The following EPHB1 variants were observed in gnomAD, a reference collection of about 807,000 sequenced individuals.
EPHB1 encodes the protein EPH receptor B1, also known as ephrin type-B receptor 1.
Under a neutral mutation model 94.4 loss-of-function variants are expected in EPHB1, and 30 were observed. That is an observed-to-expected ratio of 0.32 (90% CI 0.24 to 0.43). The LOEUF (loss-of-function observed/expected upper bound fraction) is 0.43, where lower values mean the gene tolerates loss of function less well. Among genes scored for constraint, EPHB1 ranks in the 20% least tolerant of loss-of-function variants. The probability of loss-of-function intolerance (pLI) is 1.00; values close to 1 mark genes in which losing one functional copy is unlikely to be tolerated. For missense variants in EPHB1, 1,055 were observed against 1,308.3 expected, an observed-to-expected ratio of 0.81 and a Z score of 2.99; for synonymous variants, 522 against 489.1, an observed-to-expected ratio of 1.07 and a Z score of -0.89.
chr3:135,213,061 G>T (rs1943068089), intron 12 of EPHB1, among the ~76,000 whole-genome samples: 3 of 152,162 alleles, frequency 2.0e-5, no homozygotes, highest in Admixed American at 2.0e-4. Flanking sequence ...TGTAAGTGAA[G>T]ACCTCGTTAA....
At chr3:135,100,697 G>T (rs1177831749) in intron 3 of EPHB1, among the ~76,000 whole-genome samples, 2 of 152,164 alleles carry the variant, frequency 1.3e-5, no homozygotes, top group Admixed American at 6.5e-5. Flanking sequence ...GAGGAGAGGA[G>T]TGTCTCGAGA....
intron 2 of EPHB1, among the ~76,000 whole-genome samples, chr3:134,947,008 G>A (rs535326200): frequency 6.6e-6 from 1 of 152,218 alleles, no homozygotes; most frequent in African/African-American, 2.4e-5. Flanking sequence ...CCCCGTGCTT[G>A]GCTCCCTGTA....
intron 12 of EPHB1, among the ~76,000 whole-genome samples, chr3:135,215,614 A>T (rs1576474722): frequency 6.6e-6 from 1 of 152,248 alleles, no homozygotes; most frequent in Non-Finnish European, 1.5e-5. Flanking sequence ...TCGTGGCAGG[A>T]TCACCATGGG....
At chr3:134,800,969 A>G (rs2035923602) in intron 1 of EPHB1, among the ~76,000 whole-genome samples, 1 of 152,328 alleles carries the variant, frequency 6.6e-6, no homozygotes, top group East Asian at 1.9e-4. Context: ...TCTGTAGTCT[A>G]TATTTTTAGC....
chr3:134,883,481 G>A (rs1578168231), intron 1 of EPHB1, among the ~76,000 whole-genome samples: 1 of 152,296 alleles, frequency 6.6e-6, no homozygotes, highest in Non-Finnish European at 1.5e-5. Flanking sequence ...GGGAAGATTC[G>A]AGAACTGGAT....
At chr3:135,037,639 G>A (rs1449714270) in intron 3 of EPHB1, among the ~76,000 whole-genome samples, 1 of 152,156 alleles carries the variant, frequency 6.6e-6, no homozygotes, top group African/African-American at 2.4e-5. Context: ...GATGCTTTCT[G>A]TATAATGATA....
intron 12 of EPHB1, among the ~76,000 whole-genome samples, chr3:135,228,093 T>C (rs1201384281): frequency 6.6e-6 from 1 of 152,228 alleles, no homozygotes; most frequent in African/African-American, 2.4e-5. Context: ...TATTCTAATT[T>C]TGTCAATTGA....
intron 3 of EPHB1, among the ~76,000 whole-genome samples, chr3:135,051,841 A>G (rs1047528527): frequency 1.3e-5 from 2 of 152,188 alleles, no homozygotes; most frequent in South Asian, 2.1e-4. Flanking sequence ...TCACTCCTCA[A>G]ATCACCTTAG....
At chr3:134,898,794 G>A (rs1178782891) in intron 1 of EPHB1, among the ~76,000 whole-genome samples, 1 of 152,188 alleles carries the variant, frequency 6.6e-6, no homozygotes, top group East Asian at 1.9e-4. Context: ...GCCTTCAGGG[G>A]AGCTCAGCTT....
chr3:135,116,068 G>T (rs1397861511), intron 4 of EPHB1, among the ~76,000 whole-genome samples: 1 of 152,028 alleles, frequency 6.6e-6, no homozygotes, highest in African/African-American at 2.4e-5. Context: ...AGAAAAATTA[G>T]CCAGGCATGG....
chr3:134,902,449 T>C (rs747275472), intron 1 of EPHB1, among the ~76,000 whole-genome samples: 10 of 152,240 alleles, frequency 6.6e-5, no homozygotes, highest in Non-Finnish European at 1.0e-4. Context: ...TTTATGTATA[T>C]AGTGAATGTG....
At chr3:134,932,622 G>A (rs532005887) in intron 2 of EPHB1, among the ~76,000 whole-genome samples, 1 of 152,220 alleles carries the variant, frequency 6.6e-6, no homozygotes, top group East Asian at 1.9e-4. Flanking sequence ...GCTCAATGGG[G>A]TAAGGATAAT....
At chr3:134,973,000 G>C (rs1242077756) in intron 3 of EPHB1, among the ~76,000 whole-genome samples, 1 of 152,198 alleles carries the variant, frequency 6.6e-6, no homozygotes, top group Non-Finnish European at 1.5e-5. Context: ...GGCCCAGGGG[G>C]GTTGGTCTGG....
intron 3 of EPHB1, among the ~76,000 whole-genome samples, chr3:135,014,048 T>C (rs1268456073): frequency 6.6e-6 from 1 of 152,036 alleles, no homozygotes; most frequent in Non-Finnish European, 1.5e-5. Context: ...AGCTGGGTTA[T>C]TGGGAGGAGG....
At chr3:134,975,781 G>C (rs1420826891) in intron 3 of EPHB1, among the ~76,000 whole-genome samples, 1 of 24,200 alleles carries the variant, frequency 4.1e-5, no homozygotes, top group Admixed American at 2.9e-4. Context: ...TAAGAGGGCA[G>C]GGGGGGAGTG....
chr3:135,089,605 G>T (rs7374940), intron 3 of EPHB1, among the ~76,000 whole-genome samples: 13 of 152,204 alleles, frequency 8.5e-5, no homozygotes, highest in African/African-American at 2.9e-4. Flanking sequence ...TATTAAGAGG[G>T]CTTTGCTGGC....
At chr3:134,932,757 C>A (rs2038930033) in intron 2 of EPHB1, among the ~76,000 whole-genome samples, 1 of 152,220 alleles carries the variant, frequency 6.6e-6, no homozygotes, top group Non-Finnish European at 1.5e-5. Context: ...ATGATTCAAT[C>A]ATGCTTATTA....
intron 3 of EPHB1, among the ~76,000 whole-genome samples, chr3:135,004,430 A>C (rs529825534): frequency 6.6e-6 from 1 of 151,722 alleles, no homozygotes; most frequent in Non-Finnish European, 1.5e-5. Flanking sequence ...TCTGACACTT[A>C]TGTGTCTTGG....
In EPHB1 at chr3:134,925,845, G is replaced by A. The variant is rs746365113; in HGVS notation, c.88G>A (p.Ala30Thr). Residue 30 changes from alanine to threonine, a missense_variant, in exon 2 of 16, where the codon GCA becomes ACA. By Grantham distance (58) the Ala-to-Thr change is moderately conservative. Transcript: ENST00000398015. ...GTTAATGGACACCAGAACGGCTACT[G>A]CAGAGCTGGGCTGGACGGCCAATCC... ...ETLMDTRTAT[A>T]ELGWTANPAS... is the part of the protein sequence containing the mutation. 6.2e-7 allele frequency: 1 copy of A among 1,604,950 alleles called. No individual in the cohort carries two copies. The highest frequency in any genetic ancestry group is 8.5e-7 in the Non-Finnish European group (1 of 1,175,578).
Sources: gnomAD v4.1 joint callset for allele counts (sites outside exome capture counted in the v4.1 genomes callset) on GRCh38, gnomAD v4.1.1 for gene constraint, MANE v1.5 for transcripts, NCBI Gene and HGNC (gene_info 2026-07-23, HGNC 2026-07-21) for gene names.